The following TPCN2 variants were observed in gnomAD, a reference collection of about 807,000 sequenced individuals.
TPCN2 encodes two pore channel protein 2.
A neutral mutation model predicts 111.4 loss-of-function variants in TPCN2; 92 were observed. That is an observed-to-expected ratio of 0.83 (90% CI 0.70 to 0.98). TPCN2 has a LOEUF of 0.98. Among genes scored for constraint, TPCN2 ranks in the 50% least tolerant of loss-of-function variants. TPCN2 has a pLI of 0.00. For missense variants in TPCN2, 995 were observed against 980.1 expected (o/e 1.02, Z -0.20); for synonymous variants, 405 against 414.5 (o/e 0.98, Z 0.28).
intron 24 of TPCN2, 144 bp downstream of exon 24, chr11:69,087,350 A>C: frequency 1.4e-6 from 1 of 691,162 alleles, no homozygotes; most frequent in Non-Finnish European, 2.4e-6. Context: ...CCTGTGCTCT[A>C]GGAGAGCAGC....
rs1590704091 is a variant in TPCN2 at position 69,054,739 on chromosome 11, C to T, written c.193C>T (p.Arg65Trp). The stretch of plus-strand genomic sequence containing the variant: ...CTTGTAGTACCGCTCCATCAACCAC[C>T]GGGTGGATGCCAGCTCGATGTGGCT... ...DAIQYRSINH[R>W]VDASSMWLYR... Residue 65 changes from arginine (R) to tryptophan (W), a missense_variant, in exon 3 of 25, where the codon CGG becomes TGG. Transcript: ENST00000294309. 23 of 1,614,174 alleles carry T rather than the reference C, an allele frequency of 1.4e-5. No homozygotes were observed. The Middle Eastern group carries it at 6.6e-4, about 46-fold the overall frequency.
rs1419728483 is a variant in TPCN2, at chr11:69,073,007, T to C, written c.1230+6T>C. 6.2e-7 allele frequency: 1 copy of C among 1,612,126 alleles called. No individual in the cohort carries two copies. Among genetic ancestry groups the C allele is most frequent in the East Asian group, 2.2e-5 (1 of 44,866 alleles). On this transcript the variant is annotated splice_donor_region_variant and intron_variant, in intron 13 of 24. Transcript: ENST00000294309. ...ACAGAAGTGTGGTTAAAGAGGTAAC[T>C]GGGGCCACAGCCGCCCAGGGTGGAT...
intron 6 of TPCN2, among the ~76,000 whole-genome samples, chr11:69,063,286 G>T (rs1279864205): frequency 6.6e-6 from 1 of 152,060 alleles, no homozygotes; most frequent in East Asian, 2.0e-4. Flanking sequence ...GTCTCCTCTT[G>T]TCCCCTCTGT....
Position 69,054,043 on chromosome 11 carries a change from C to T in TPCN2, c.120C>T (p.Ala40=). The change falls in exon 2 of 25, where the codon GCC becomes GCT. Residue 40 remains alanine (A), a synonymous_variant. Transcript: ENST00000294309. ...CCCCTCTGCCTGCAGGTGCCGCGGC[C>T]AGGTGGGACCTCTGCATTGATCAGG... is the stretch of plus-strand genomic sequence containing the variant. ...RSIQVGPGAA[A]RWDLCIDQAV... is the part of the protein sequence containing the mutation. The T allele has an allele frequency of 3.1e-6, 5 of 1,613,872 alleles. No individual in the cohort carries two copies. Among genetic ancestry groups the T allele is most frequent in the Non-Finnish European group, 4.2e-6 (5 of 1,179,940 alleles).
chr11:69,076,236 C>T (rs1387743154), intron 13 of TPCN2, among the ~76,000 whole-genome samples: 5 of 152,174 alleles, frequency 3.3e-5, no homozygotes, highest in Admixed American at 2.6e-4. Flanking sequence ...TCACTGGCTT[C>T]CCCGGGCTGC....
Position 69,053,614 on chromosome 11 carries a change from C to T in TPCN2, c.110-419C>T, listed in dbSNP as rs770457984. Reference sequence around the variant, plus strand: ...GTGGCAGGGGGCTCTTGTGCTCCTGCGTTGCACCTCACAGTACCCTCTGGG... The same window carrying T: ...GTGGCAGGGGGCTCTTGTGCTCCTGTGTTGCACCTCACAGTACCCTCTGGG... On this transcript the variant is annotated intron_variant, in intron 1 of 24. Transcript: ENST00000294309. Among the ~76,000 whole-genome samples, 6 of 152,148 alleles carry T rather than the reference C, an allele frequency of 3.9e-5. No homozygotes were observed. In the East Asian group the frequency reaches 5.8e-4, roughly 15 times the overall value.
intron 19 of TPCN2, chr11:69,084,562 G>T (rs954757958): frequency 1.0e-6 from 1 of 985,218 alleles, no homozygotes; most frequent in Non-Finnish European, 1.2e-6. Context: ...CAGGAGAGGG[G>T]CCTGTGACCA....
intron 18 of TPCN2, among the ~76,000 whole-genome samples, chr11:69,083,419 G>GA (rs1056440920): frequency 6.6e-6 from 1 of 152,260 alleles, no homozygotes; most frequent in Non-Finnish European, 1.5e-5. Flanking sequence ...GCTAGGCTGT[G>GA]ATGAGGAGGA....
chr11:69,082,259 A>G (rs1440855236), intron 18 of TPCN2, among the ~76,000 whole-genome samples: 1 of 152,236 alleles, frequency 6.6e-6, no homozygotes, highest in Non-Finnish European at 1.5e-5. Flanking sequence ...ACAATCATAC[A>G]TATATACAAT....
At chr11:69,076,022 T>C (rs1352525655) in intron 13 of TPCN2, among the ~76,000 whole-genome samples, 1 of 152,184 alleles carries the variant, frequency 6.6e-6, no homozygotes, top group East Asian at 1.9e-4. Context: ...GGCCAAGGTG[T>C]CCGTCTGGGT....
rs368727940 is a variant in TPCN2 at position 69,072,963 on chromosome 11, A to C, written c.1192A>C (p.Lys398Gln). The C allele has an allele frequency of 6.2e-7, 1 of 1,613,996 alleles. No homozygotes were observed. Among genetic ancestry groups the C allele is most frequent in the Non-Finnish European group, 8.5e-7 (1 of 1,179,928 alleles). The change falls in exon 13 of 25, where the codon AAG becomes CAG. Residue 398 changes from lysine to glutamine, a missense_variant. Lys to Gln is a moderately conservative substitution (Grantham distance 53). Transcript: ENST00000294309. ...TCTGCTCTCAGCTGAGGAGTTTCAG[A>C]AGCTCTTCAACGAGCTTGACAGAAG... ...SVLLSAEEFQ[K>Q]LFNELDRSVV...
chr11:69,060,711 C>T (rs1854983333), intron 5 of TPCN2, among the ~76,000 whole-genome samples: 1 of 152,134 alleles, frequency 6.6e-6, no homozygotes. Flanking sequence ...GTGCTGTGGT[C>T]TGTGTCTGAC....
intron 16 of TPCN2, 105 bp from the exon 17 acceptor site, chr11:69,079,729 C>T (rs965417707): frequency 9.8e-5 from 104 of 1,064,122 alleles, no homozygotes; most frequent in Non-Finnish European, 1.4e-4. Flanking sequence ...CCCAAAAGCC[C>T]CTTTTGGGGA....
chr11:69,082,873 CGCA>C (rs1856096948), intron 18 of TPCN2, among the ~76,000 whole-genome samples: 2 of 148,100 alleles, frequency 1.4e-5, no homozygotes, highest in African/African-American at 2.6e-5. Context: ...CCGGATAAGA[CGCA>C]TGATCGTGTG....
intron 1 of TPCN2, among the ~76,000 whole-genome samples, chr11:69,052,648 C>T (rs777488555): frequency 6.6e-6 from 1 of 152,154 alleles, no homozygotes; most frequent in Non-Finnish European, 1.5e-5. Context: ...CCTCACACCT[C>T]TAATCCGTCC....
rs1262177810 is a variant in TPCN2, at chr11:69,057,655, G to A, written c.507G>A (p.Leu169=). 3 of 1,614,238 alleles carry A rather than the reference G, an allele frequency of 1.9e-6. No homozygotes were observed. The highest frequency in any genetic ancestry group is 2.5e-6 in the Non-Finnish European group (3 of 1,180,036). ...ACCTCGTGGTGCTGGTGGTGTCTCT[G>A]GTGGACTGGACCGTGTCCCTGAGTC... The part of the protein sequence containing the change: ...LGYLVVLVVS[L]VDWTVSLSLV... Residue 169 remains leucine, a synonymous_variant, in exon 5 of 25, where the codon CTG becomes CTA. Transcript: ENST00000294309.
chr11:69,073,951 A>G (rs113714364), intron 13 of TPCN2, among the ~76,000 whole-genome samples: 1 of 148,990 alleles, frequency 6.7e-6, no homozygotes, highest in Non-Finnish European at 1.5e-5. Flanking sequence ...CTCCTCTTAT[A>G]AGGACCCTAT....
At chr11:69,070,010 CTTTT>C (rs1345050097) in intron 8 of TPCN2, among the ~76,000 whole-genome samples, 3 of 147,910 alleles carry the variant, frequency 2.0e-5, no homozygotes, top group East Asian at 2.0e-4. Flanking sequence ...CCTTTTCTTT[CTTTT>C]TTTCTTTCTT....
At chr11:69,058,279 A>G (rs1425529241) in intron 5 of TPCN2, among the ~76,000 whole-genome samples, 2 of 152,182 alleles carry the variant, frequency 1.3e-5, no homozygotes, top group Admixed American at 6.5e-5. Context: ...GAGAGAATGA[A>G]CAGAGGGCCT....
Sources: allele counts gnomAD v4.1 joint callset (sites outside exome capture counted in the v4.1 genomes callset), GRCh38; gene constraint gnomAD v4.1.1; transcripts MANE v1.5; gene names NCBI Gene and HGNC (gene_info 2026-07-23, HGNC 2026-07-21).